The following AGBL1 variants were observed in gnomAD, a reference collection of about 807,000 sequenced individuals.
The protein encoded by AGBL1 is cytosolic carboxypeptidase 4.
A neutral mutation model predicts 118.9 loss-of-function variants in AGBL1; 130 were observed. That is an observed-to-expected ratio of 1.09 (90% confidence interval 0.95 to 1.26). The LOEUF is 1.26. Ranked by LOEUF, AGBL1 falls within the 50% of genes most tolerant of loss-of-function variation. The pLI is 0.00. For missense variants in AGBL1, 1,584 were observed against 1,298.1 expected, an observed-to-expected ratio of 1.22 and a Z score of -3.38; for synonymous variants, 555 against 478.9, an observed-to-expected ratio of 1.16 and a Z score of -2.08.
intron 22 of AGBL1, among the ~76,000 whole-genome samples, chr15:86,707,260 T>G (rs921361846): frequency 6.6e-6 from 1 of 152,136 alleles, no homozygotes; most frequent in South Asian, 2.1e-4. Context: ...ACTCCACCAA[T>G]GAATCCAAAA....
chr15:86,503,211 C>T (rs2082936511), intron 18 of AGBL1, among the ~76,000 whole-genome samples: 1 of 151,396 alleles, frequency 6.6e-6, no homozygotes, highest in South Asian at 2.1e-4. Context: ...TCCATTTCAT[C>T]TAGGTTTTCT....
chr15:86,716,051 G>A (rs1226858874), intron 22 of AGBL1, among the ~76,000 whole-genome samples: 3 of 137,724 alleles, frequency 2.2e-5, no homozygotes, highest in African/African-American at 8.6e-5. Context: ...GGGCAACAGA[G>A]CAAGACTCCG....
chr15:86,956,535 T>C (rs1002526872), intron 23 of AGBL1, among the ~76,000 whole-genome samples: 2 of 152,172 alleles, frequency 1.3e-5, no homozygotes, highest in Non-Finnish European at 2.9e-5. Flanking sequence ...TATTGTAGAC[T>C]TGAGGCAGAA....
chr15:86,708,471 C>G (rs965107899), intron 22 of AGBL1, among the ~76,000 whole-genome samples: 2 of 152,122 alleles, frequency 1.3e-5, no homozygotes, highest in African/African-American at 4.8e-5. Context: ...GCCACCATAA[C>G]TATGAGAAAG....
At chr15:86,769,004 G>T (rs554114904) in intron 22 of AGBL1, among the ~76,000 whole-genome samples, 1 of 152,022 alleles carries the variant, frequency 6.6e-6, no homozygotes, top group African/African-American at 2.4e-5. Flanking sequence ...TAGAGACAAA[G>T]ACAGTTTATT....
chr15:86,432,737 A>C (rs758156716), intron 18 of AGBL1, among the ~76,000 whole-genome samples: 3 of 152,216 alleles, frequency 2.0e-5, no homozygotes, highest in Non-Finnish European at 4.4e-5. Context: ...GGAGGTAGGG[A>C]GATCTAAAGC....
chr15:86,559,201 A>G (rs569933455), intron 21 of AGBL1, among the ~76,000 whole-genome samples: 1 of 152,312 alleles, frequency 6.6e-6, no homozygotes, highest in Non-Finnish European at 1.5e-5. Flanking sequence ...GGATGACCTC[A>G]TCTTAACTTA....
At position 86,891,579 on chromosome 15, in the gene AGBL1, GAA is replaced by G. The variant is rs11339441; in HGVS notation, c.3159-15496_3159-15495del. Among the ~76,000 whole-genome samples the G allele has an allele frequency of 2.9e-5, 4 of 138,098 alleles. No homozygotes were observed. The East Asian group carries it at 6.3e-4, about 22-fold the overall frequency. 90.6% of individuals were successfully genotyped at this position (138,098 alleles called of 152,430 possible). Reference sequence around the variant, plus strand: ...ACACCATTCAACAAGAAATAATGAGGAAAAAAAAAAAAACAAGCAAGGGAGTG... The same window carrying G: ...ACACCATTCAACAAGAAATAATGAGGAAAAAAAAAAACAAGCAAGGGAGTG... On this transcript the variant is annotated intron_variant, in intron 22 of 22. Coordinates refer to ENST00000614907, the MANE Select transcript of AGBL1 (RefSeq NM_001386094.1).
At chr15:86,365,576 AT>A (rs756519485) in intron 17 of AGBL1, among the ~76,000 whole-genome samples, 3 of 152,146 alleles carry the variant, frequency 2.0e-5, no homozygotes, top group Non-Finnish European at 4.4e-5. Flanking sequence ...TGTGAAACCT[AT>A]TCTTACATTC....
chr15:86,596,345 A>G (rs1053005845), intron 21 of AGBL1, among the ~76,000 whole-genome samples: 2 of 152,160 alleles, frequency 1.3e-5, no homozygotes, highest in Admixed American at 6.5e-5. Flanking sequence ...AAGATGATAT[A>G]TGAACTTCTG....
In AGBL1 at chr15:86,649,710, TTC is replaced by T. The variant is rs1035108101; in HGVS notation, c.2995-24561_2995-24560del. Among the ~76,000 whole-genome samples, 40 of 150,238 alleles carry T rather than the reference TTC, an allele frequency of 2.7e-4. 1 individual carries two copies. Among genetic ancestry groups the T allele is most frequent in the African/African-American group, 8.1e-4 (33 of 40,828 alleles). On this transcript the variant is annotated intron_variant, in intron 21 of 22. Transcript: ENST00000614907. ...TGCACAGGATTAATTTGGGTTTTTT[TTC>T]TTTTTACATAAAAACAATTATTCTG...
chr15:86,086,180 A>C (rs549328029), intron 1 of AGBL1: 3 of 152,324 alleles, frequency 2.0e-5, no homozygotes, highest in East Asian at 3.9e-4. Flanking sequence ...TGATCTTATG[A>C]GAACCAAACA....
chr15:86,163,470 G>T (rs1363145756), intron 5 of AGBL1, among the ~76,000 whole-genome samples: 3 of 152,162 alleles, frequency 2.0e-5, no homozygotes, highest in Admixed American at 2.0e-4. Flanking sequence ...GCTCATGCCT[G>T]TAATCCCAGC....
At chr15:86,638,112 C>T (rs2085128128) in intron 21 of AGBL1, among the ~76,000 whole-genome samples, 1 of 152,064 alleles carries the variant, frequency 6.6e-6, no homozygotes, top group African/African-American at 2.4e-5. Context: ...AGGCTAGAGA[C>T]CCAGAACTGC....
intron 22 of AGBL1, among the ~76,000 whole-genome samples, chr15:86,823,527 C>T (rs1016744316): frequency 6.6e-6 from 1 of 152,108 alleles, no homozygotes; most frequent in Non-Finnish European, 1.5e-5. Flanking sequence ...GGTCTTAGCA[C>T]AGACCAATCA....
Position 86,164,501 on chromosome 15 carries a change from C to T in AGBL1, c.488+5475C>T, listed in dbSNP as rs118062949. 3.5e-3 allele frequency among the ~76,000 whole-genome samples: 540 copies of T among 152,232 alleles called. 3 individuals carry two copies. Among genetic ancestry groups the T allele is most frequent in the Non-Finnish European group, 4.9e-3 (336 of 68,014 alleles). Reference sequence around the variant, plus strand: ...CTCAACACTTTCTGCGGGAGGCTGTCCCTTTGTGCCGTCATTCCCAGGATG... The same window carrying T: ...CTCAACACTTTCTGCGGGAGGCTGTTCCTTTGTGCCGTCATTCCCAGGATG... On this transcript the variant is annotated intron_variant, in intron 5 of 22. Coordinates refer to ENST00000614907, the MANE Select transcript of AGBL1 (RefSeq NM_001386094.1).
chr15:86,549,544 C>T (rs1467529109), intron 20 of AGBL1, among the ~76,000 whole-genome samples: 2 of 151,624 alleles, frequency 1.3e-5, no homozygotes, highest in African/African-American at 4.9e-5. Flanking sequence ...AAAATAGAAT[C>T]CAGAGATGCT....
At chr15:86,567,004 T>C (rs993275022) in intron 21 of AGBL1, among the ~76,000 whole-genome samples, 11 of 152,208 alleles carry the variant, frequency 7.2e-5, no homozygotes, top group Non-Finnish European at 1.5e-4. Context: ...CTGAATGAGC[T>C]ACTGCCTACA....
Position 86,277,404 on chromosome 15 carries a change from C to T in AGBL1, c.2076-2235C>T, listed in dbSNP as rs80102365. Among the ~76,000 whole-genome samples the T allele has an allele frequency of 1.8e-3, 279 of 152,058 alleles. 1 individual carries two copies. The highest frequency in any genetic ancestry group is 6.4e-3 in the African/African-American group (267 of 41,464). Reference sequence around the variant, plus strand: ...ACTACCATTTGAATTCCTTACACTTCCCTTAAATCTTGAGCCCATGGAAGC... The same window carrying T: ...ACTACCATTTGAATTCCTTACACTTTCCTTAAATCTTGAGCCCATGGAAGC... On this transcript the variant is annotated intron_variant, in intron 15 of 22. Coordinates refer to ENST00000614907, the MANE Select transcript of AGBL1 (RefSeq NM_001386094.1).
Sources: gnomAD v4.1 joint callset for allele counts (sites outside exome capture counted in the v4.1 genomes callset) on GRCh38, gnomAD v4.1.1 for gene constraint, MANE v1.5 for transcripts, NCBI Gene and HGNC (gene_info 2026-07-23, HGNC 2026-07-21) for gene names.